The following ADGRL3 variants were observed in gnomAD, a reference collection of about 807,000 sequenced individuals.
ADGRL3 encodes the protein adhesion G protein-coupled receptor L3, also known as calcium-independent alpha-latrotoxin receptor 3.
A neutral mutation model predicts 153.5 loss-of-function variants in ADGRL3; 62 were observed. The observed-to-expected ratio is 0.40, with a 90% CI of 0.33 to 0.50. The LOEUF (loss-of-function observed/expected upper bound fraction) is 0.50. ADGRL3 is among the 20% of genes least tolerant of loss of function. The pLI, the probability that ADGRL3 is intolerant of heterozygous loss-of-function variation, is 0.47. For synonymous variants in ADGRL3, 710 were observed against 672.5 expected (o/e 1.06, Z -0.86); for missense variants, 1,641 against 1,859.4 (o/e 0.88, Z 2.16).
chr4:62,034,970 A>G (rs1418843092), intron 23 of ADGRL3, among the ~76,000 whole-genome samples: 1 of 151,936 alleles, frequency 6.6e-6, no homozygotes, highest in Non-Finnish European at 1.5e-5. Flanking sequence ...GCATCACACT[A>G]AAATAGGATA....
intron 24 of ADGRL3, among the ~76,000 whole-genome samples, chr4:62,041,896 C>T (rs1398513416): frequency 6.6e-6 from 1 of 151,978 alleles, no homozygotes; most frequent in East Asian, 1.9e-4. Context: ...TAACCTCCTG[C>T]ACTCAGGAGC....
intron 14 of ADGRL3, 74 bp downstream of exon 14, chr4:61,935,097 TG>T (rs1226548822): frequency 7.8e-7 from 1 of 1,289,316 alleles, no homozygotes; most frequent in African/African-American, 1.5e-5. Flanking sequence ...AAAGTATCTC[TG>T]GTGTCCTAGA....
At chr4:61,649,064 A>T (rs2094150878) in intron 5 of ADGRL3, among the ~76,000 whole-genome samples, 1 of 151,978 alleles carries the variant, frequency 6.6e-6, no homozygotes, top group Non-Finnish European at 1.5e-5. Context: ...TTTTAATGCC[A>T]CTTATATTTA....
chr4:61,496,668 G>A (rs999090808), intron 2 of ADGRL3, among the ~76,000 whole-genome samples: 5 of 151,742 alleles, frequency 3.3e-5, no homozygotes, highest in Non-Finnish European at 5.9e-5. Context: ...AAGGCCGGGC[G>A]TGGTGGCTCA....
At chr4:61,404,295 C>T (rs1353104350) in intron 2 of ADGRL3, among the ~76,000 whole-genome samples, 1 of 151,954 alleles carries the variant, frequency 6.6e-6, no homozygotes, top group Non-Finnish European at 1.5e-5. Context: ...ACCAATCTAA[C>T]CTAGCCCAAT....
At chr4:61,695,398 C>G (rs938064218) in intron 6 of ADGRL3, among the ~76,000 whole-genome samples, 1 of 152,130 alleles carries the variant, frequency 6.6e-6, no homozygotes, top group Non-Finnish European at 1.5e-5. Context: ...GGTGTATTGT[C>G]AATGAGTAGT....
In ADGRL3 at chr4:61,843,458, G is replaced by C. The variant is rs536316400; in HGVS notation, c.1480+29569G>C. ...TTCCAGGAAGTGTTATTGAATGAAG[G>C]TCTCATTCTCTTTCCCTTTTCTATC... On this transcript the variant is annotated intron_variant, in intron 9 of 26. Transcript: ENST00000683033. 2.0e-5 allele frequency among the ~76,000 whole-genome samples: 3 copies of C among 152,072 alleles called. No individual in the cohort carries two copies. In the South Asian group the frequency reaches 6.2e-4, roughly 32 times the overall value.
intron 8 of ADGRL3, among the ~76,000 whole-genome samples, chr4:61,790,831 G>A (rs2097333047): frequency 6.6e-6 from 1 of 152,164 alleles, no homozygotes; most frequent in African/African-American, 2.4e-5. Flanking sequence ...AGCAAGTCAT[G>A]TCTTACATGG....
intron 1 of ADGRL3, among the ~76,000 whole-genome samples, chr4:61,204,638 A>T (rs750215013): frequency 6.6e-6 from 1 of 152,206 alleles, no homozygotes; most frequent in African/African-American, 2.4e-5. Flanking sequence ...CTTCCTTATC[A>T]CTAAGTATTC....
intron 25 of ADGRL3, 89 bp from the exon 26 acceptor site, chr4:62,068,077 A>G: frequency 2.5e-6 from 2 of 807,736 alleles, no homozygotes; most frequent in Non-Finnish European, 3.8e-6. Flanking sequence ...TCTGCATATC[A>G]TCAATTTGCT....
intron 1 of ADGRL3, among the ~76,000 whole-genome samples, chr4:61,225,538 T>C (rs1467203635): frequency 6.6e-6 from 1 of 152,176 alleles, no homozygotes; most frequent in East Asian, 1.9e-4. Context: ...GATTTAAATA[T>C]GATTCGTTAT....
intron 9 of ADGRL3, among the ~76,000 whole-genome samples, chr4:61,827,311 A>T (rs530251472): frequency 2.6e-5 from 4 of 152,302 alleles, no homozygotes; most frequent in African/African-American, 9.6e-5. Flanking sequence ...GTGATTGTGA[A>T]TCTGTTAATC....
intron 11 of ADGRL3, among the ~76,000 whole-genome samples, chr4:61,908,530 C>T (rs2098707007): frequency 6.6e-6 from 1 of 150,630 alleles, no homozygotes; most frequent in African/African-American, 2.4e-5. Context: ...GAGGCTTGAA[C>T]TCAGGAGGCA....
At chr4:61,777,327 T>TC (rs1217843825) in intron 8 of ADGRL3, among the ~76,000 whole-genome samples, 1 of 151,222 alleles carries the variant, frequency 6.6e-6, no homozygotes, top group East Asian at 1.9e-4. Flanking sequence ...AGCCCAAGAC[T>TC]CCATCTCAAA....
At chr4:61,672,552 G>T (rs1177089933) in intron 5 of ADGRL3, among the ~76,000 whole-genome samples, 1 of 151,962 alleles carries the variant, frequency 6.6e-6, no homozygotes, top group African/African-American at 2.4e-5. Flanking sequence ...AAGACAAATG[G>T]CCAACAGATA....
chr4:61,692,355 C>T (rs1007069338), intron 6 of ADGRL3, among the ~76,000 whole-genome samples: 3 of 151,968 alleles, frequency 2.0e-5, no homozygotes, highest in Non-Finnish European at 4.4e-5. Flanking sequence ...ATATAAGGAA[C>T]CCAGAATCAA....
intron 1 of ADGRL3, among the ~76,000 whole-genome samples, chr4:61,374,794 G>A (rs946783656): frequency 6.6e-6 from 1 of 151,854 alleles, no homozygotes; most frequent in African/African-American, 2.4e-5. Context: ...CCCCTGCACA[G>A]TTGGAATGTT....
At chr4:61,535,769 T>C (rs532995593) in intron 4 of ADGRL3, among the ~76,000 whole-genome samples, 1 of 151,970 alleles carries the variant, frequency 6.6e-6, no homozygotes, top group African/African-American at 2.4e-5. Context: ...TTGTCTTTCT[T>C]TGGCATTGTG....
rs139556466 is a variant in ADGRL3, at chr4:61,328,972, T to C, written c.-239-54152T>C. ...CATCATGGGAGACTTGATTACTATC[T>C]CTGTTAGGACTGACCTGGTTGAAAG... On this transcript the variant is annotated intron_variant, in intron 1 of 26. Transcript: ENST00000683033. Among the ~76,000 whole-genome samples, 285 of 152,264 alleles carry C rather than the reference T, an allele frequency of 1.9e-3. 3 individuals carry two copies. The highest frequency in any genetic ancestry group is 6.5e-3 in the African/African-American group (270 of 41,568).
Sources: gnomAD v4.1 joint callset for allele counts (sites outside exome capture counted in the v4.1 genomes callset) on GRCh38, gnomAD v4.1.1 for gene constraint, MANE v1.5 for transcripts, NCBI Gene and HGNC (gene_info 2026-07-23, HGNC 2026-07-21) for gene names.